C1orf94: variants seen among roughly 807,000 people sequenced by gnomAD.
C1orf94 encodes uncharacterized protein C1orf94.
A neutral mutation model predicts 53.6 loss-of-function variants in C1orf94; 45 were observed. The ratio of observed to expected loss-of-function variants is 0.84; its 90% CI spans 0.66 to 1.08. The LOEUF is 1.08. Among genes scored for constraint, C1orf94 ranks in the 50% least tolerant of loss-of-function variants. The pLI is 0.00. For missense variants in C1orf94, 762 were observed against 738.9 expected (o/e 1.03, Z -0.36); for synonymous variants, 304 against 296.1 (o/e 1.03, Z -0.27).
intron 5 of C1orf94, 54 bp downstream of exon 5, chr1:34,208,288 A>G (rs1188842954): frequency 1.3e-6 from 2 of 1,557,646 alleles, no homozygotes; most frequent in East Asian, 2.3e-5. Flanking sequence ...CCTTTGGGTC[A>G]GAGGGTGCAT....
At chr1:34,172,808 C>T (rs920839690), upstream of C1orf94, among the ~76,000 whole-genome samples, 2 of 152,222 alleles carry the variant, frequency 1.3e-5, no homozygotes, top group Admixed American at 1.3e-4. Context: ...GAGGGGGAGG[C>T]CCATTCCCAT....
intron 1 of C1orf94, among the ~76,000 whole-genome samples, chr1:34,167,578 G>T (rs1443493400): frequency 1.3e-5 from 2 of 151,516 alleles, no homozygotes; most frequent in African/African-American, 2.4e-5. Flanking sequence ...CCTGCTCTCT[G>T]ATCTATTTGG....
chr1:34,178,098 C>T lies in C1orf94; in HGVS notation c.309C>T (p.Ser103=). The change falls in exon 1 of 7, where the codon AGC becomes AGT. Residue 103 remains serine (S), a synonymous_variant. Transcript: ENST00000488417. ...VVGTLRGNEL[S]FQEEALELSS... is the part of the protein sequence containing the mutation. ...GAACTCTAAGAGGCAATGAGCTCAG[C>T]TTTCAAGAAGAGTAAGTACCCCCCT... 6.4e-7 allele frequency: 1 copy of T among 1,551,370 alleles called. No individual in the cohort carries two copies.
At chr1:34,181,815 TGAG>T in intron 1 of C1orf94, among the ~76,000 whole-genome samples, 1 of 152,162 alleles carries the variant, frequency 6.6e-6, no homozygotes, top group Non-Finnish European at 1.5e-5. Context: ...AAGGCTTCTC[TGAG>T]GAGATGTGAT....
chr1:34,184,674 A>C (rs143803417), intron 1 of C1orf94, among the ~76,000 whole-genome samples: 2 of 152,316 alleles, frequency 1.3e-5, no homozygotes, highest in East Asian at 1.9e-4. Flanking sequence ...CCAGTTCTCC[A>C]CACTGGTGAG....
Position 34,197,817 on chromosome 1 carries a change from C to T in C1orf94, c.913C>T (p.Pro305Ser), listed in dbSNP as rs760290433. The change falls in exon 2 of 7, where the codon CCT (proline) becomes TCT (serine). Residue 305 changes from proline (P) to serine (S), a missense_variant. Transcript: ENST00000488417. The surrounding 1 kb of genome is among the most constrained non-coding windows in gnomAD (Gnocchi z 4.1). Reference protein sequence around the residue: ...RPPPARPDKLPELPAQKRQLP... With the variant: ...RPPPARPDKLSELPAQKRQLP... Reference sequence around the variant, plus strand: ...TCCTCCTGCACGTCCTGACAAGCTCCCTGAGCTCCCTGCTCAGAAGAGGCA... The same window carrying T: ...TCCTCCTGCACGTCCTGACAAGCTCTCTGAGCTCCCTGCTCAGAAGAGGCA... 1 of 1,614,130 alleles carries T rather than the reference C, an allele frequency of 6.2e-7. No individual in the cohort carries two copies.
intron 6 of C1orf94, among the ~76,000 whole-genome samples, chr1:34,213,987 G>A (rs941752542): frequency 6.6e-6 from 1 of 151,950 alleles, no homozygotes; most frequent in Non-Finnish European, 1.5e-5. Context: ...CCAGGGAAAC[G>A]CTGTGTTGAC....
intron 5 of C1orf94, among the ~76,000 whole-genome samples, chr1:34,209,686 T>C (rs1178903958): frequency 6.6e-6 from 1 of 152,054 alleles, no homozygotes; most frequent in African/African-American, 2.4e-5. Flanking sequence ...TAGGGAGCCT[T>C]GTTACCTGGG....
Position 34,218,959 on chromosome 1 carries a change from A to G in C1orf94, c.*198A>G, listed in dbSNP as rs994549243. 6.4e-5 allele frequency: 22 copies of G among 345,022 alleles called. No individual in the cohort carries two copies. The highest frequency in any genetic ancestry group is 4.5e-4 in the African/African-American group (20 of 44,630). The allele number at this position is 345,022 out of a possible 1,614,324, so 21.4% of individuals were successfully genotyped here. On this transcript the variant is annotated 3_prime_UTR_variant, in exon 7 of 7. Transcript: ENST00000488417. ...CCTCCTCACACATGGCACAAGCTAC[A>G]CACACACACACACACATGACCCTCA...
intron 1 of C1orf94, among the ~76,000 whole-genome samples, chr1:34,189,115 T>A (rs1484192681): frequency 6.6e-6 from 1 of 151,900 alleles, no homozygotes; most frequent in Non-Finnish European, 1.5e-5. Flanking sequence ...CATGGATGTG[T>A]GTTCATGTGT....
chr1:34,214,310 G>T (rs1642947323), intron 6 of C1orf94, among the ~76,000 whole-genome samples: 1 of 152,320 alleles, frequency 6.6e-6, no homozygotes, highest in Middle Eastern at 3.4e-3. Context: ...TCTGAAAAAG[G>T]TGGAAAATAG....
chr1:34,187,804 C>T (rs1571339183), intron 1 of C1orf94, among the ~76,000 whole-genome samples: 2 of 132,802 alleles, frequency 1.5e-5, no homozygotes, highest in South Asian at 2.9e-4. Flanking sequence ...CCACCCAACA[C>T]TTCTAGTTCT....
intron 5 of C1orf94, among the ~76,000 whole-genome samples, chr1:34,211,774 G>A (rs1225290128): frequency 6.6e-6 from 1 of 152,124 alleles, no homozygotes; most frequent in Non-Finnish European, 1.5e-5. Flanking sequence ...TCTCAAGAGA[G>A]ATAGAAGCCA....
At chr1:34,168,937 C>A (rs1184020417) in intron 1 of C1orf94, among the ~76,000 whole-genome samples, 1 of 152,118 alleles carries the variant, frequency 6.6e-6, no homozygotes, top group Non-Finnish European at 1.5e-5. Flanking sequence ...GATGACTTTT[C>A]AGATGGAGGG....
At chr1:34,210,246 A>G (rs1642867532) in intron 5 of C1orf94, among the ~76,000 whole-genome samples, 1 of 152,178 alleles carries the variant, frequency 6.6e-6, no homozygotes, top group African/African-American at 2.4e-5. Flanking sequence ...GCTGACCCAT[A>G]GGGTCATGAC....
At position 34,201,029 on chromosome 1, in the gene C1orf94, A is replaced by G; in HGVS notation, c.1267A>G (p.Lys423Glu). 6.3e-7 allele frequency: 1 copy of G among 1,586,432 alleles called. No individual in the cohort carries two copies. The highest frequency in any genetic ancestry group is 1.1e-5 in the South Asian group (1 of 87,950). ...NKVEVDGPEL[K>E]FNAPVTVADK... ...AGTGGAAGTGGATGGGCCGGAGCTGAAATGTGAGCTGACCTACCCAGGGAG... is the reference window on the plus strand; with the variant it reads ...AGTGGAAGTGGATGGGCCGGAGCTGGAATGTGAGCTGACCTACCCAGGGAG... The change falls in exon 3 of 7, where the codon AAA becomes GAA. Residue 423 changes from lysine (K) to glutamate (E), a missense_variant. Lys to Glu is a moderately conservative substitution (Grantham distance 56). Transcript: ENST00000488417.
chr1:34,216,855 G>A (rs1191050855), intron 6 of C1orf94, among the ~76,000 whole-genome samples: 1 of 152,154 alleles, frequency 6.6e-6, no homozygotes, highest in Non-Finnish European at 1.5e-5. Context: ...AAGGCAGGTG[G>A]ATCACCTGAG....
At chr1:34,190,295 C>T (rs1642461547) in intron 1 of C1orf94, among the ~76,000 whole-genome samples, 1 of 152,284 alleles carries the variant, frequency 6.6e-6, no homozygotes. Context: ...TGATAGCTCC[C>T]TGCCTAAATC....
chr1:34,194,436 C>A (rs940555397), intron 1 of C1orf94, among the ~76,000 whole-genome samples: 1 of 152,082 alleles, frequency 6.6e-6, no homozygotes, highest in African/African-American at 2.4e-5. Context: ...TGAGAAGGGA[C>A]CATCATGGGG....
Sources: gnomAD v4.1 joint callset for allele counts (sites outside exome capture counted in the v4.1 genomes callset) on GRCh38, gnomAD v4.1.1 for gene constraint, Gnocchi (gnomAD v3.1) non-coding constraint, MANE v1.5 for transcripts, NCBI Gene and HGNC (gene_info 2026-07-23, HGNC 2026-07-21) for gene names.